The following ITSN2 variants were observed in gnomAD, a reference collection of about 807,000 sequenced individuals.
The protein encoded by ITSN2 is intersectin 2.
A neutral mutation model predicts 243.7 loss-of-function variants in ITSN2; 156 were observed. That is an observed-to-expected ratio of 0.64 (90% CI 0.56 to 0.73). ITSN2 has a LOEUF of 0.73. Ranked by LOEUF, ITSN2 falls within the 30% of genes least tolerant of loss-of-function variation. The probability of loss-of-function intolerance (pLI) is 0.00; values close to 1 mark genes in which losing one functional copy is unlikely to be tolerated. For synonymous variants in ITSN2, 703 were observed against 699.9 expected, an observed-to-expected ratio of 1.00 and a Z score of -0.07; for missense variants, 1,801 against 1,996.1, an observed-to-expected ratio of 0.90 and a Z score of 1.86.
chr2:24,337,317 T>TATATATATATATACATATATATATATAC lies in ITSN2; in HGVS notation c.-33-9203_-33-9202insGTATATATATATATGTATATATATATAT, dbSNP rs1553395899. Among the ~76,000 whole-genome samples the TATATATATATATACATATATATATATAC allele has an allele frequency of 2.2e-4, 11 of 49,172 alleles. 1 individual carries two copies. The highest frequency in any genetic ancestry group is 3.9e-4 in the Non-Finnish European group (11 of 28,026). 32.3% of individuals were successfully genotyped at this position (49,172 alleles called of 152,430 possible). ...TGTGTGTGTGTGTGTATACACAAAA[T>TATATATATATATACATATATATATATAC]ATATATATATATATATATATATATA... On this transcript the variant is annotated intron_variant, in intron 1 of 39. Coordinates refer to ENST00000355123, the MANE Select transcript of ITSN2 (RefSeq NM_006277.3).
chr2:24,218,036 C>T (rs1372823451), intron 30 of ITSN2, 23 bp from the exon 31 acceptor site: 13 of 1,547,208 alleles, frequency 8.4e-6, no homozygotes, highest in Non-Finnish European at 1.1e-5. Flanking sequence ...CATAGAAAAA[C>T]TAGTTAGCTT....
intron 1 of ITSN2, chr2:24,330,331 G>T: frequency 4.3e-6 from 2 of 462,116 alleles, no homozygotes; most frequent in South Asian, 3.6e-5. Context: ...AACGAACCCC[G>T]GACTGACCAA....
intron 29 of ITSN2, chr2:24,239,702 T>C (rs1192951704): frequency 6.6e-6 from 1 of 152,080 alleles, no homozygotes; most frequent in Non-Finnish European, 1.5e-5. Flanking sequence ...TCTAAGCAAA[T>C]TGAAAGCTGA....
intron 29 of ITSN2, among the ~76,000 whole-genome samples, chr2:24,223,876 A>AAAAAG (rs1553344581): frequency 1.9e-5 from 1 of 52,302 alleles, no homozygotes; most frequent in African/African-American, 1.1e-4. Context: ...AGAAAGAAAA[A>AAAAAG]AAAGAAAGAA....
intron 1 of ITSN2, among the ~76,000 whole-genome samples, chr2:24,347,669 A>G (rs996527924): frequency 6.6e-6 from 1 of 152,132 alleles, no homozygotes; most frequent in African/African-American, 2.4e-5. Context: ...CTGAGCAATA[A>G]GAGCGAAATG....
At chr2:24,344,769 T>C (rs550603525) in intron 1 of ITSN2, among the ~76,000 whole-genome samples, 61 of 152,238 alleles carry the variant, frequency 4.0e-4, no homozygotes, top group African/African-American at 1.3e-3. Flanking sequence ...CTGTCCAACA[T>C]GGTAAAACTC....
chr2:24,212,672 C>G lies in ITSN2; in HGVS notation c.4067G>C (p.Arg1356Pro), dbSNP rs1253431543. The G allele has an allele frequency of 6.2e-7, 1 of 1,612,150 alleles. No individual in the cohort carries two copies. The highest frequency in any genetic ancestry group is 1.1e-5 in the South Asian group (1 of 90,672). ...FLLKPMQRIT[R>P]YPLLIRSILE... ...CACACTTCTGATGAGCAGTGGGTAG[C>G]GGGTGATCCTCTGCATGGGTTTCAG... Residue 1356 changes from arginine to proline, a missense_variant, in exon 33 of 40, where the codon CGC (arginine) becomes CCC (proline). By Grantham distance (103) the Arg-to-Pro change is moderately radical. Transcript: ENST00000355123.
chr2:24,246,382 A>G (rs1361017564), intron 28 of ITSN2, 62 bp from the exon 29 acceptor site: 11 of 926,400 alleles, frequency 1.2e-5, no homozygotes, highest in Non-Finnish European at 1.6e-5. Context: ...AGGGTCAATC[A>G]TTTGTAATCT....
At chr2:24,210,471 G>T (rs1669349408) in intron 34 of ITSN2, 1 of 311,952 alleles carries the variant, frequency 3.2e-6, no homozygotes, top group African/African-American at 2.1e-5. Context: ...AATTAGCTGG[G>T]CATCGTAGCA....
chr2:24,274,880 T>C (rs1364846828), intron 18 of ITSN2, among the ~76,000 whole-genome samples: 1 of 152,202 alleles, frequency 6.6e-6, no homozygotes, highest in Non-Finnish European at 1.5e-5. Flanking sequence ...ATTATACTAC[T>C]TTCTGATACT....
chr2:24,229,764 T>C lies in ITSN2; in HGVS notation c.3578-8698A>G, dbSNP rs538171838. ...TCTCCCCAGGTAGCCTCCTCCGTTA[T>C]TTTACTTGACCTATCGCTAACATCT... On this transcript the variant is annotated intron_variant, in intron 29 of 39. Transcript: ENST00000355123. 1.1e-4 allele frequency among the ~76,000 whole-genome samples: 17 copies of C among 152,338 alleles called. No homozygotes were observed. In the South Asian group the frequency reaches 2.7e-3, roughly 24 times the overall value.
Position 24,246,246 on chromosome 2 carries a change from T to C in ITSN2, c.3460A>G (p.Ile1154Val). The C allele has an allele frequency of 1.9e-6, 3 of 1,613,046 alleles. No homozygotes were observed. Among genetic ancestry groups the C allele is most frequent in the Non-Finnish European group, 2.5e-6 (3 of 1,179,078 alleles). Reference protein sequence around the residue: ...DELSFSKGQLINVMNKDDPDW... With the variant: ...DELSFSKGQLVNVMNKDDPDW... ...GGATCATCTTTGTTCATAACATTAA[T>C]GAGTTGTCCCTTGGAGAAACTGAGC... Residue 1154 changes from isoleucine to valine, a missense_variant, in exon 29 of 40, where the codon ATT becomes GTT. By Grantham distance (29) the Ile-to-Val change is conservative. Coordinates refer to ENST00000355123, the MANE Select transcript of ITSN2 (RefSeq NM_006277.3).
At chr2:24,328,023 C>T in intron 2 of ITSN2, 29 bp downstream of exon 2, 1 of 1,597,764 alleles carries the variant, frequency 6.3e-7, no homozygotes, top group Non-Finnish European at 8.5e-7. Flanking sequence ...TCCATAACCT[C>T]ATCTTGCCAC....
In ITSN2 at chr2:24,204,457, A is replaced by C. The variant is rs1558417098; in HGVS notation, c.4763-39T>G. On this transcript the variant is annotated intron_variant, in intron 38 of 39. Coordinates refer to ENST00000355123, the MANE Select transcript of ITSN2 (RefSeq NM_006277.3). This position sits in a 1 kb window ranked among gnomAD's most constrained non-coding sequence, Gnocchi z 5.1. Reference sequence around the variant, plus strand: ...AACCACAGACACATGTGGTGCATGCAGGTAAAACGAAGCGACTGACAGTGC... The same window carrying C: ...AACCACAGACACATGTGGTGCATGCCGGTAAAACGAAGCGACTGACAGTGC... 1.3e-6 allele frequency: 2 copies of C among 1,593,938 alleles called. No homozygotes were observed. The highest frequency in any genetic ancestry group is 2.7e-5 in the African/African-American group (2 of 74,504).
chr2:24,221,212 C>G (rs756510246), intron 29 of ITSN2, 146 bp from the exon 30 acceptor site: 13 of 804,940 alleles, frequency 1.6e-5, no homozygotes, highest in Non-Finnish European at 2.5e-5. Context: ...TTCTGCAGAG[C>G]AGCATGCGTA....
chr2:24,277,212 A>G (rs1051540093), intron 17 of ITSN2, among the ~76,000 whole-genome samples: 1 of 152,218 alleles, frequency 6.6e-6, no homozygotes, highest in Non-Finnish European at 1.5e-5. Context: ...GGGGGACTTA[A>G]GAGTAATCAA....
intron 30 of ITSN2, chr2:24,220,509 C>A (rs948749158): frequency 1.9e-4 from 187 of 1,003,184 alleles, no homozygotes; most frequent in Non-Finnish European, 2.2e-4. Flanking sequence ...GAGGTGAACA[C>A]TTTCACTGTT....
At chr2:24,236,268 T>A (rs1262845970) in intron 29 of ITSN2, among the ~76,000 whole-genome samples, 1 of 152,126 alleles carries the variant, frequency 6.6e-6, no homozygotes, top group Non-Finnish European at 1.5e-5. Flanking sequence ...ATTTTATGAT[T>A]CCATACATAT....
chr2:24,339,470 CAA>C (rs56081206), intron 1 of ITSN2, among the ~76,000 whole-genome samples: 168 of 79,610 alleles, frequency 2.1e-3, no homozygotes, highest in Non-Finnish European at 2.9e-3. Flanking sequence ...GACGCCGTCT[CAA>C]AAAAAAAAAA....
Sources: allele counts gnomAD v4.1 joint callset (sites outside exome capture counted in the v4.1 genomes callset), GRCh38; gene constraint gnomAD v4.1.1; non-coding constraint Gnocchi (gnomAD v3.1); transcripts MANE v1.5; gene names NCBI Gene and HGNC (gene_info 2026-07-23, HGNC 2026-07-21).